The following NID2 variants were observed in gnomAD, a reference collection of about 807,000 sequenced individuals.
The protein encoded by NID2 is nidogen 2, also known as nidogen-2.
Under a neutral mutation model 145.4 loss-of-function variants are expected in NID2, and 83 were observed. The observed-to-expected ratio is 0.57, with a 90% confidence interval of 0.48 to 0.69. The LOEUF is 0.69. Ranked by LOEUF, NID2 falls within the 30% of genes least tolerant of loss-of-function variation. NID2 has a pLI of 0.00. For synonymous variants in NID2, 739 were observed against 701.3 expected (o/e 1.05, Z -0.85); for missense variants, 1,807 against 1,765.7 (o/e 1.02, Z -0.42).
Position 52,026,491 on chromosome 14 carries a change from G to C in NID2, c.2674+710C>G, listed in dbSNP as rs73286368. Among the ~76,000 whole-genome samples the C allele has an allele frequency of 6.2e-3, 942 of 152,300 alleles. 8 individuals are homozygous for C. Among genetic ancestry groups the C allele is most frequent in the African/African-American group, 0.022 (906 of 41,550 alleles). On this transcript the variant is annotated intron_variant, in intron 12 of 21. Transcript: ENST00000216286. ...CTCACGTGAAACTGAGTTTCAATCT[G>C]ATCACATACCACAGGGTATGTTTGG...
intron 9 of NID2, among the ~76,000 whole-genome samples, chr14:52,037,140 T>C (rs181543488): frequency 6.5e-4 from 99 of 152,346 alleles, no homozygotes; most frequent in South Asian, 3.3e-3. Context: ...TTGAGTTGGA[T>C]ATGCTGTGAG....
In NID2 at chr14:52,042,255, C is replaced by A. The variant is rs781470676; in HGVS notation, c.1675G>T (p.Val559Leu). The change falls in exon 7 of 22, where the codon GTG becomes TTG. Residue 559 changes from valine (V) to leucine (L), a missense_variant. Physicochemically the swap from Val to Leu is conservative, Grantham distance 32. Coordinates refer to ENST00000216286, the MANE Select transcript of NID2 (RefSeq NM_007361.4). ...GTGTAGGCTCTGCCATCATTGCCCA[C>A]GATATACGCATGCAGGTCCACATCA... Reference protein sequence around the residue: ...FTDVDLHAYIVGNDGRAYTAI... With the variant: ...FTDVDLHAYILGNDGRAYTAI... The A allele has an allele frequency of 6.2e-7, 1 of 1,614,176 alleles. No individual in the cohort carries two copies. Among genetic ancestry groups the A allele is most frequent in the Non-Finnish European group, 8.5e-7 (1 of 1,180,026 alleles).
At chr14:52,022,755 A>G (rs556496676) in intron 12 of NID2, among the ~76,000 whole-genome samples, 1 of 152,298 alleles carries the variant, frequency 6.6e-6, no homozygotes, top group African/African-American at 2.4e-5. Flanking sequence ...CATCCTTCTC[A>G]CTGCCCAAGT....
chr14:52,005,636 C>T, intron 21 of NID2, 101 bp downstream of exon 21: 5 of 1,365,246 alleles, frequency 3.7e-6, no homozygotes, highest in South Asian at 3.5e-5. Context: ...AGGAAGAAGG[C>T]AATGGTGGCA....
At chr14:52,033,530 AC>A (rs1328464580) in intron 9 of NID2, among the ~76,000 whole-genome samples, 1 of 152,106 alleles carries the variant, frequency 6.6e-6, no homozygotes, top group Non-Finnish European at 1.5e-5. Flanking sequence ...TGGGAAAGAC[AC>A]CCCAGTTCTG....
intron 9 of NID2, among the ~76,000 whole-genome samples, chr14:52,032,633 T>C (rs940868996): frequency 6.6e-6 from 1 of 152,270 alleles, no homozygotes; most frequent in Admixed American, 6.5e-5. Context: ...ATGCCTGGCA[T>C]ACCCCACCAA....
chr14:52,064,833 C>A (rs549254964), intron 2 of NID2, among the ~76,000 whole-genome samples: 7 of 152,182 alleles, frequency 4.6e-5, no homozygotes, highest in Non-Finnish European at 8.8e-5. Flanking sequence ...TTCAACCTGA[C>A]TTAAATTCCA....
At chr14:52,041,988 C>T (rs1892295791) in intron 7 of NID2, 117 bp downstream of exon 7, 3 of 1,295,126 alleles carry the variant, frequency 2.3e-6, no homozygotes, top group African/African-American at 3.0e-5. Context: ...ACATGTGGCT[C>T]TAGTACATTA....
At chr14:52,016,270 A>C (rs1384903487) in intron 14 of NID2, among the ~76,000 whole-genome samples, 1 of 152,244 alleles carries the variant, frequency 6.6e-6, no homozygotes, top group Non-Finnish European at 1.5e-5. Flanking sequence ...AACTTAAACA[A>C]GAGGAGGTGC....
Position 52,010,877 on chromosome 14 carries a change from C to A in NID2, c.3721G>T (p.Gly1241Cys). Residue 1241 changes from glycine (G) to cysteine (C), a missense_variant and splice_region_variant, in exon 18 of 22, where the codon GGC (glycine) becomes TGC (cysteine). Coordinates refer to ENST00000216286, the MANE Select transcript of NID2 (RefSeq NM_007361.4). The stretch of plus-strand genomic sequence containing the variant: ...AAGAATTAGGGAAGCCCAGCTGACC[C>A]TCGGATTGGATCCACAGCGATGGCA... Reference protein sequence around the residue: ...PRAIAVDPIRGNLYWTDWNRE... With the variant: ...PRAIAVDPIRCNLYWTDWNRE... 2 of 1,612,076 alleles carry A rather than the reference C, an allele frequency of 1.2e-6. No homozygotes were observed. The highest frequency in any genetic ancestry group is 1.7e-6 in the Non-Finnish European group (2 of 1,179,218).
Position 52,054,249 on chromosome 14 carries a change from C to T in NID2, c.840G>A (p.Arg280=), listed in dbSNP as rs762786723. ...IGSTSPLDNV[R]PAAVGDLSAA... ...CGGAAAGGTCTCCAACTGCAGCTGG[C>T]CTGACATTGTCCAACGGGGAAGTGC... The change falls in exon 4 of 22, where the codon AGG becomes AGA. Residue 280 remains arginine, a synonymous_variant. Coordinates refer to ENST00000216286, the MANE Select transcript of NID2 (RefSeq NM_007361.4). The T allele has an allele frequency of 4.3e-6, 7 of 1,614,028 alleles. No homozygotes were observed. In the East Asian group the frequency reaches 1.3e-4, roughly 31 times the overall value.
At chr14:52,043,052 T>G (rs1892344846) in intron 5 of NID2, 121 bp from the exon 6 acceptor site, 2 of 912,234 alleles carry the variant, frequency 2.2e-6, no homozygotes, top group South Asian at 3.3e-5. Flanking sequence ...TTTTTGATGT[T>G]TAAGAGACCG....
chr14:52,015,041 G>T lies in NID2; in HGVS notation c.3250+13C>A. The T allele has an allele frequency of 6.2e-7, 1 of 1,605,632 alleles. No individual in the cohort carries two copies. Among genetic ancestry groups the T allele is most frequent in the Non-Finnish European group, 8.5e-7 (1 of 1,175,304 alleles). ...GATACAGCTGAGGGGAGCGGGGGCG[G>T]CCAGGTGCTTACACGCAGGGGTGGT... On this transcript the variant is annotated intron_variant, in intron 15 of 21. Coordinates refer to ENST00000216286, the MANE Select transcript of NID2 (RefSeq NM_007361.4).
At chr14:52,063,311 G>C (rs917274895) in intron 2 of NID2, among the ~76,000 whole-genome samples, 1 of 152,232 alleles carries the variant, frequency 6.6e-6, no homozygotes, top group African/African-American at 2.4e-5. Context: ...ATCCCAGAGA[G>C]GAGAGAGGGG....
Position 52,027,225 on chromosome 14 carries a change from CAT to C in NID2, c.2648_2649del (p.Tyr883CysfsTer9). The stretch of plus-strand genomic sequence containing the variant: ...CCAGTGCACTGGTGCCCATCGCCGG[CAT>C]AACCAGGCAGGCAGGCACAGCTGAA... ...STFSCACLPG[Y>X]AGDGHQCTDV... On this transcript the variant is annotated frameshift_variant, in exon 12 of 22. Transcript: ENST00000216286. LOFTEE classifies it high-confidence loss of function. 6.4e-7 allele frequency: 1 copy of C among 1,566,486 alleles called. No individual in the cohort carries two copies. The highest frequency in any genetic ancestry group is 8.6e-7 in the Non-Finnish European group (1 of 1,157,566).
chr14:52,052,383 G>C (rs1189989220), intron 5 of NID2, among the ~76,000 whole-genome samples: 1 of 152,174 alleles, frequency 6.6e-6, no homozygotes, highest in East Asian at 1.9e-4. Context: ...AAGAACCAGT[G>C]AGTGCAGACA....
Position 52,053,853 on chromosome 14 carries a change from G to A in NID2, c.1155C>T (p.Pro385=). ...GGPDLKGQVE[P]WDERETRSPA... The stretch of plus-strand genomic sequence containing the variant: ...GGCTTCTGGTCTCTCTCTCATCCCA[G>A]GGCTCAACTTGGCCTTTTAAATCTG... Residue 385 remains proline (P), a synonymous_variant, in exon 5 of 22, where the codon CCC becomes CCT. Transcript: ENST00000216286. 6.2e-7 allele frequency: 1 copy of A among 1,614,124 alleles called. No homozygotes were observed. The highest frequency in any genetic ancestry group is 8.5e-7 in the Non-Finnish European group (1 of 1,180,004).
Position 52,011,027 on chromosome 14 carries a change from G to C in NID2, c.3571C>G (p.Leu1191Val), listed in dbSNP as rs1182314172. 8.7e-6 allele frequency: 14 copies of C among 1,614,042 alleles called. No individual in the cohort carries two copies. The highest frequency in any genetic ancestry group is 1.2e-5 in the Non-Finnish European group (14 of 1,180,012). ...GTTCTGCGGATGTGGTCTATGGCAA[G>C]TCCTTCAGGGCTTATCAGACCTGGA... ...VNSGLISPEG[L>V]AIDHIRRTMY... is the part of the protein sequence containing the mutation. The change falls in exon 18 of 22, where the codon CTT (leucine) becomes GTT (valine). Residue 1191 changes from leucine (L) to valine (V), a missense_variant. Leu to Val is a conservative substitution (Grantham distance 32). Transcript: ENST00000216286.
At chr14:52,019,395 T>C in intron 13 of NID2, 101 bp from the exon 14 acceptor site, 1 of 869,414 alleles carries the variant, frequency 1.2e-6, no homozygotes, top group Non-Finnish European at 1.7e-6. Context: ...AGCGCTGGGA[T>C]TTTGGAGCCC....
Sources: gnomAD v4.1 joint callset for allele counts (sites outside exome capture counted in the v4.1 genomes callset) on GRCh38, gnomAD v4.1.1 for gene constraint, MANE v1.5 for transcripts, NCBI Gene and HGNC (gene_info 2026-07-23, HGNC 2026-07-21) for gene names.